GEMIN5: variants seen among roughly 807,000 people sequenced by gnomAD.
The protein encoded by GEMIN5 is gem-associated protein 5.
Under a neutral mutation model 176.9 loss-of-function variants are expected in GEMIN5, and 124 were observed. The ratio of observed to expected loss-of-function variants is 0.70; its 90% CI spans 0.61 to 0.81. The LOEUF is 0.81. Among genes scored for constraint, GEMIN5 ranks in the 40% least tolerant of loss-of-function variants. The pLI is 0.00. For synonymous variants in GEMIN5, 673 were observed against 665.2 expected (o/e 1.01, Z -0.18); for missense variants, 1,843 against 1,814.6 (o/e 1.02, Z -0.28).
At chr5:154,899,469 CAT>C (rs1763421960) in intron 21 of GEMIN5, among the ~76,000 whole-genome samples, 159 bp from the exon 22 acceptor site, 1 of 152,192 alleles carries the variant, frequency 6.6e-6, no homozygotes, top group African/African-American at 2.4e-5. Flanking sequence ...AAATTAGAAA[CAT>C]ATGCTGCATT....
intron 4 of GEMIN5, 97 bp downstream of exon 4, chr5:154,932,002 T>C (rs887129304): frequency 4.4e-5 from 45 of 1,014,726 alleles, no homozygotes; most frequent in Non-Finnish European, 6.5e-5. Context: ...CAAAACTCCG[T>C]CTCCAAAAAT....
intron 24 of GEMIN5, among the ~76,000 whole-genome samples, chr5:154,895,051 C>A (rs760030041): frequency 2.4e-5 from 3 of 125,672 alleles, no homozygotes; most frequent in Non-Finnish European, 5.1e-5. Context: ...TGTACTCCAG[C>A]CTGAGCAACA....
intron 26 of GEMIN5, among the ~76,000 whole-genome samples, chr5:154,890,397 C>T (rs958572317): frequency 2.0e-5 from 3 of 151,910 alleles, no homozygotes; most frequent in Admixed American, 6.6e-5. Flanking sequence ...AGAGCATATG[C>T]CCCTGCCTGG....
At chr5:154,920,216 T>C (rs1297201882) in intron 10 of GEMIN5, 113 bp from the exon 11 acceptor site, 5 of 722,806 alleles carry the variant, frequency 6.9e-6, no homozygotes, top group Non-Finnish European at 1.1e-5. Context: ...AACTATATAT[T>C]TGAAACATTC....
chr5:154,932,454 C>T (rs1171019663), intron 3 of GEMIN5, among the ~76,000 whole-genome samples: 2 of 152,142 alleles, frequency 1.3e-5, no homozygotes, highest in Non-Finnish European at 2.9e-5. Context: ...TTTGTTAAAA[C>T]CCTTCTCTCT....
chr5:154,917,966 T>C lies in GEMIN5; in HGVS notation c.1638A>G (p.Ala546=), dbSNP rs372573885. 5.5e-5 allele frequency: 88 copies of C among 1,612,886 alleles called. No individual in the cohort carries two copies. Among genetic ancestry groups the C allele is most frequent in the Non-Finnish European group, 7.3e-5 (86 of 1,179,056 alleles). ...LPVHTEISWK[A]DGKIMALGNE... Reference sequence around the variant, plus strand: ...TGCCAAGAGCCATGATTTTGCCATCTGCTTTCCAACTTATCTCTGTGTGTA... The same window carrying C: ...TGCCAAGAGCCATGATTTTGCCATCCGCTTTCCAACTTATCTCTGTGTGTA... The change falls in exon 12 of 28, where the codon GCA becomes GCG. Residue 546 remains alanine (A), a synonymous_variant. Transcript: ENST00000285873.
chr5:154,903,312 G>T, intron 18 of GEMIN5, 137 bp from the exon 19 acceptor site: 1 of 622,458 alleles, frequency 1.6e-6, no homozygotes, highest in African/African-American at 1.8e-5. Flanking sequence ...AGAGACTCCT[G>T]CAGTTACAAA....
Position 154,888,397 on chromosome 5 carries a change from G to A in GEMIN5, c.4360-20C>T. The A allele has an allele frequency of 6.2e-7, 1 of 1,603,884 alleles. No homozygotes were observed. Among genetic ancestry groups the A allele is most frequent in the Non-Finnish European group, 8.5e-7 (1 of 1,174,620 alleles). On this transcript the variant is annotated intron_variant, in intron 27 of 27. Coordinates refer to ENST00000285873, the MANE Select transcript of GEMIN5 (RefSeq NM_015465.5). ...CCAGGCCTGAAAGACGATGACATGA[G>A]GATGAATAAGGAAGCATTTGCAGAA...
At chr5:154,894,365 C>T (rs903887466) in intron 24 of GEMIN5, among the ~76,000 whole-genome samples, 10 of 152,216 alleles carry the variant, frequency 6.6e-5, no homozygotes, top group Admixed American at 2.0e-4. Flanking sequence ...CACTAAGCTG[C>T]TGTAAACATT....
Position 154,892,495 on chromosome 5 carries a change from C to T in GEMIN5, c.3652G>A (p.Ala1218Thr). 6.2e-7 allele frequency: 1 copy of T among 1,614,192 alleles called. No homozygotes were observed. Among genetic ancestry groups the T allele is most frequent in the South Asian group, 1.1e-5 (1 of 91,086 alleles). Reference sequence around the variant, plus strand: ...GCCTGCACAGCCTCGTCCCAGGAGGCCATCTGTTGGCTCAGCACTGCCAGG... The same window carrying T: ...GCCTGCACAGCCTCGTCCCAGGAGGTCATCTGTTGGCTCAGCACTGCCAGG... ...LTLAVLSQQMASWDEAVQALL... is the reference protein window; with the variant it reads ...LTLAVLSQQMTSWDEAVQALL... The change falls in exon 25 of 28, where the codon GCC becomes ACC. Residue 1218 changes from alanine (A) to threonine (T), a missense_variant. Transcript: ENST00000285873.
chr5:154,930,701 G>A (rs1413167189), intron 5 of GEMIN5, among the ~76,000 whole-genome samples: 1 of 152,248 alleles, frequency 6.6e-6, no homozygotes, highest in Non-Finnish European at 1.5e-5. Flanking sequence ...AGGGGGAAAT[G>A]GAGAGTAGAA....
intron 24 of GEMIN5, among the ~76,000 whole-genome samples, chr5:154,893,396 G>C (rs2113454922): frequency 6.6e-6 from 1 of 151,480 alleles, no homozygotes; most frequent in South Asian, 2.1e-4. Context: ...CCGAGCCTGG[G>C]TGACAGAGTG....
chr5:154,934,437 A>G (rs759913911), intron 3 of GEMIN5, among the ~76,000 whole-genome samples: 2 of 152,068 alleles, frequency 1.3e-5, no homozygotes, highest in Non-Finnish European at 2.9e-5. Flanking sequence ...TCGGCCTCTC[A>G]AAGTGCTGGG....
chr5:154,890,877 C>T (rs1276952300), intron 26 of GEMIN5, among the ~76,000 whole-genome samples: 1 of 152,100 alleles, frequency 6.6e-6, no homozygotes, highest in Non-Finnish European at 1.5e-5. Flanking sequence ...GATTCTCTGG[C>T]CTCAGCCCCC....
At chr5:154,936,565 A>G (rs1315315187) in intron 2 of GEMIN5, among the ~76,000 whole-genome samples, 1 of 152,246 alleles carries the variant, frequency 6.6e-6, no homozygotes, top group Non-Finnish European at 1.5e-5. Flanking sequence ...CTTATTAAGT[A>G]GGTCTTTTCC....
chr5:154,924,583 A>C (rs372695334), intron 8 of GEMIN5, 29 bp from the exon 9 acceptor site: 26 of 1,405,070 alleles, frequency 1.9e-5, no homozygotes, highest in Non-Finnish European at 2.5e-5. Flanking sequence ...CCAAGTGAGA[A>C]TATAAGAAGT....
At chr5:154,891,136 C>A (rs554219651) in intron 26 of GEMIN5, 105 bp downstream of exon 26, 1 of 867,840 alleles carries the variant, frequency 1.2e-6, no homozygotes, top group East Asian at 3.8e-5. Context: ...GCCAAGTGAT[C>A]CTCCTGCTTC....
chr5:154,889,462 G>T, intron 26 of GEMIN5, 45 bp from the exon 27 acceptor site: 2 of 1,080,676 alleles, frequency 1.9e-6, no homozygotes, highest in South Asian at 1.3e-5. Context: ...CTTGCCCTGG[G>T]TAACATTTTT....
chr5:154,918,304 G>C (rs1763854063), intron 11 of GEMIN5, among the ~76,000 whole-genome samples: 1 of 152,130 alleles, frequency 6.6e-6, no homozygotes, highest in South Asian at 2.1e-4. Flanking sequence ...CATCAGCTTG[G>C]ACAATGTGGG....
Sources: allele counts gnomAD v4.1 joint callset (sites outside exome capture counted in the v4.1 genomes callset), GRCh38; gene constraint gnomAD v4.1.1; transcripts MANE v1.5; gene names NCBI Gene and HGNC (gene_info 2026-07-23, HGNC 2026-07-21).